The following TTLL11 variants were observed in gnomAD, a reference collection of about 807,000 sequenced individuals.
The protein encoded by TTLL11 is tubulin tyrosine ligase like 11, also known as tubulin polyglutamylase TTLL11.
TTLL11 carries 42 observed loss-of-function variants against 51.7 expected under a neutral mutation model. That is an observed-to-expected ratio of 0.81 (90% CI 0.64 to 1.05). The LOEUF is 1.05. Ranked by LOEUF, TTLL11 falls within the 50% of genes least tolerant of loss-of-function variation. The pLI is 0.00. For missense variants in TTLL11, 799 were observed against 940.4 expected, an observed-to-expected ratio of 0.85 and a Z score of 1.97; for synonymous variants, 381 against 383.5, an observed-to-expected ratio of 0.99 and a Z score of 0.08.
At chr9:121,943,722 C>T (rs1239280914) in intron 6 of TTLL11, among the ~76,000 whole-genome samples, 1 of 152,170 alleles carries the variant, frequency 6.6e-6, no homozygotes, top group Admixed American at 6.5e-5. Flanking sequence ...CATCACTGTC[C>T]CCATCATCAT....
chr9:121,829,664 C>T (rs1588053421), intron 8 of TTLL11, among the ~76,000 whole-genome samples: 1 of 151,936 alleles, frequency 6.6e-6, no homozygotes, highest in Non-Finnish European at 1.5e-5. Flanking sequence ...TATAGTACCA[C>T]GGGGCATGGG....
intron 1 of TTLL11, among the ~76,000 whole-genome samples, chr9:122,091,592 C>T (rs1037436470): frequency 2.6e-5 from 4 of 152,164 alleles, no homozygotes; most frequent in Non-Finnish European, 5.9e-5. Flanking sequence ...CTTTCTGTGG[C>T]CATCTCTCTG....
At chr9:122,074,211 T>C (rs1588259317) in intron 1 of TTLL11, among the ~76,000 whole-genome samples, 1 of 149,906 alleles carries the variant, frequency 6.7e-6, no homozygotes, top group Admixed American at 6.7e-5. Context: ...GAGGCGGAGG[T>C]TGCAGTGAGC....
At chr9:121,935,845 G>A (rs991468078) in intron 6 of TTLL11, among the ~76,000 whole-genome samples, 1 of 152,200 alleles carries the variant, frequency 6.6e-6, no homozygotes, top group African/African-American at 2.4e-5. Context: ...TCAGGGAAAT[G>A]ATGCGTGTCA....
At chr9:122,054,097 GCCA>G (rs1564377006) in intron 1 of TTLL11, among the ~76,000 whole-genome samples, 2 of 152,034 alleles carry the variant, frequency 1.3e-5, no homozygotes, top group African/African-American at 4.8e-5. Context: ...GGGTAAGCGT[GCCA>G]TTCATCCTTC....
At position 121,894,296 on chromosome 9, in the gene TTLL11, G is replaced by T. The variant is rs139906671; in HGVS notation, c.1482-23548C>A. ...TAGAAACGCTTTTACACTGTTGGTG[G>T]GAGTGTAAATTAGTTCAACCATTGT... On this transcript the variant is annotated intron_variant, in intron 6 of 8. Coordinates refer to ENST00000321582, the MANE Select transcript of TTLL11 (RefSeq NM_001139442.2). 7.9e-3 allele frequency among the ~76,000 whole-genome samples: 1,200 copies of T among 152,242 alleles called. 13 individuals are homozygous for T. The highest frequency in any genetic ancestry group is 0.028 in the African/African-American group (1,159 of 41,506).
At chr9:122,091,481 A>G (rs1192233806) in intron 1 of TTLL11, among the ~76,000 whole-genome samples, 1 of 152,116 alleles carries the variant, frequency 6.6e-6, no homozygotes, top group African/African-American at 2.4e-5. Flanking sequence ...CAACGGCTAC[A>G]CCCTATCCAC....
At chr9:121,833,503 T>C (rs1837089752) in intron 8 of TTLL11, among the ~76,000 whole-genome samples, 1 of 152,210 alleles carries the variant, frequency 6.6e-6, no homozygotes, top group African/African-American at 2.4e-5. Flanking sequence ...TACGTCTGCA[T>C]AGCACTTTCC....
At chr9:122,035,116 T>C (rs1235376984) in intron 2 of TTLL11, among the ~76,000 whole-genome samples, 1 of 152,174 alleles carries the variant, frequency 6.6e-6, no homozygotes, top group Non-Finnish European at 1.5e-5. Context: ...TTCTTTGTTC[T>C]CTCCAATGCC....
In TTLL11 at chr9:121,983,460, G is replaced by A. The variant is rs528369123; in HGVS notation, c.1269+5735C>T. On this transcript the variant is annotated intron_variant, in intron 4 of 8. Coordinates refer to ENST00000321582, the MANE Select transcript of TTLL11 (RefSeq NM_001139442.2). ...GTGCTTAAGGCCATGGGGGCTACGC[G>A]GGATCATTTAGGAGTGATTGTGAAT... 2.0e-5 allele frequency among the ~76,000 whole-genome samples: 3 copies of A among 152,310 alleles called. No homozygotes were observed. The South Asian group carries it at 6.2e-4, about 32-fold the overall frequency.
chr9:121,874,145 C>T (rs143676057), intron 6 of TTLL11, among the ~76,000 whole-genome samples: 1,752 of 152,226 alleles, frequency 0.012, 35 homozygotes, highest in African/African-American at 0.04. Flanking sequence ...GCGTGAGCCA[C>T]CGTGCCTGGC....
chr9:121,833,535 T>A (rs1379464274), intron 8 of TTLL11, among the ~76,000 whole-genome samples: 1 of 152,182 alleles, frequency 6.6e-6, no homozygotes, highest in Admixed American at 6.5e-5. Context: ...AACATCCATT[T>A]TTCTCATCTA....
chr9:121,926,405 G>C (rs1006318002), intron 6 of TTLL11, among the ~76,000 whole-genome samples: 1 of 152,244 alleles, frequency 6.6e-6, no homozygotes, highest in Non-Finnish European at 1.5e-5. Flanking sequence ...CCCTTCTTGT[G>C]TTCACTGCCA....
intron 6 of TTLL11, among the ~76,000 whole-genome samples, chr9:121,915,164 T>C (rs979581207): frequency 3.3e-5 from 5 of 152,124 alleles, no homozygotes; most frequent in Admixed American, 1.3e-4. Flanking sequence ...GACATAAAAC[T>C]GGGTATTTAC....
At chr9:122,078,528 T>C (rs1490736895) in intron 1 of TTLL11, among the ~76,000 whole-genome samples, 2 of 152,214 alleles carry the variant, frequency 1.3e-5, no homozygotes, top group African/African-American at 4.8e-5. Context: ...CAGTGTGGTG[T>C]CAGTAGTGCA....
At chr9:121,967,432 C>A (rs952112722) in intron 6 of TTLL11, among the ~76,000 whole-genome samples, 4 of 151,928 alleles carry the variant, frequency 2.6e-5, no homozygotes, top group African/African-American at 9.7e-5. Flanking sequence ...ACCATGTTGG[C>A]CAGGCTGGTC....
chr9:121,930,604 G>A (rs973587965), intron 6 of TTLL11, among the ~76,000 whole-genome samples: 10 of 152,286 alleles, frequency 6.6e-5, no homozygotes, highest in African/African-American at 1.4e-4. Flanking sequence ...TGGCTCACCC[G>A]GGGCCAGCCA....
chr9:121,826,184 CTATATATATATATA>C lies in TTLL11; in HGVS notation c.1841-3319_1841-3306del, dbSNP rs1166211047. Among the ~76,000 whole-genome samples the C allele has an allele frequency of 3.7e-4, 19 of 51,120 alleles. 1 individual carries two copies. Among genetic ancestry groups the C allele is most frequent in the Admixed American group, 6.9e-4 (2 of 2,896 alleles). 33.5% of individuals were successfully genotyped at this position (51,120 alleles called of 152,430 possible). ...TATATATATATATATAACCAGTAAC[CTATATATATATATA>C]TATATATATATATATATATGCACAC... On this transcript the variant is annotated intron_variant, in intron 8 of 8. Coordinates refer to ENST00000321582, the MANE Select transcript of TTLL11 (RefSeq NM_001139442.2).
At chr9:121,990,183 C>G (rs1194406874) in intron 3 of TTLL11, among the ~76,000 whole-genome samples, 1 of 152,226 alleles carries the variant, frequency 6.6e-6, no homozygotes, top group Non-Finnish European at 1.5e-5. Context: ...ATCTAACCCT[C>G]ACAGAAAATA....
Sources: allele counts gnomAD v4.1 joint callset (sites outside exome capture counted in the v4.1 genomes callset), GRCh38; gene constraint gnomAD v4.1.1; transcripts MANE v1.5; gene names NCBI Gene and HGNC (gene_info 2026-07-23, HGNC 2026-07-21).